The following SERTAD4 variants were observed in gnomAD, a reference collection of about 807,000 sequenced individuals.
SERTAD4 encodes SERTA domain-containing protein 4.
A neutral mutation model predicts 32.9 loss-of-function variants in SERTAD4; 18 were observed. That is an observed-to-expected ratio of 0.55 (90% confidence interval 0.38 to 0.81). SERTAD4 has a LOEUF of 0.81. Ranked by LOEUF, SERTAD4 falls within the 30% of genes least tolerant of loss-of-function variation. The probability of loss-of-function intolerance (pLI) is 0.00; values close to 1 mark genes in which losing one functional copy is unlikely to be tolerated. For missense variants in SERTAD4, 383 were observed against 426.0 expected (o/e 0.90, Z 0.89); for synonymous variants, 150 against 156.4 (o/e 0.96, Z 0.30).
chr1:210,239,916 G>C (rs1405294925), intron 3 of SERTAD4, among the ~76,000 whole-genome samples: 1 of 152,114 alleles, frequency 6.6e-6, no homozygotes, highest in Non-Finnish European at 1.5e-5. Context: ...CCACACTTTT[G>C]TGTGTGGGGA....
Position 210,239,501 on chromosome 1 carries a change from T to C in SERTAD4, c.184T>C (p.Tyr62His), listed in dbSNP as rs751024419. Residue 62 changes from tyrosine to histidine, a missense_variant, in exon 3 of 4, where the codon TAC becomes CAC. This residue lies in a region of SERTAD4 where 96 missense variants were observed against 76.6 expected (regional missense o/e 1.25). Coordinates refer to ENST00000367012, the MANE Select transcript of SERTAD4 (RefSeq NM_019605.5). ...CTGATTTATTACCACAGGATCACAT[T>C]ACAGGGGAATTTCAAATCCTATAAC... ...GAGPPLAGSH[Y>H]RGISNPITTS... 4 of 1,582,348 alleles carry C rather than the reference T, an allele frequency of 2.5e-6. No homozygotes were observed. Among genetic ancestry groups the C allele is most frequent in the Non-Finnish European group, 3.5e-6 (4 of 1,153,158 alleles).
chr1:210,242,701 A>C lies in SERTAD4; in HGVS notation c.*364A>C, dbSNP rs2084011100. On this transcript the variant is annotated 3_prime_UTR_variant, in exon 4 of 4. Transcript: ENST00000367012. This position sits in a 1 kb window ranked among gnomAD's most constrained non-coding sequence, Gnocchi z 4.0. ...GAAATTTCTACATGTTTGCCAGTTAATTAGGGAGTTATTTGGTAAGCAAAT... is the reference window on the plus strand; with the variant it reads ...GAAATTTCTACATGTTTGCCAGTTACTTAGGGAGTTATTTGGTAAGCAAAT... 1 of 1,021,184 alleles carries C rather than the reference A, an allele frequency of 9.8e-7. No homozygotes were observed. Among genetic ancestry groups the C allele is most frequent in the African/African-American group, 1.7e-5 (1 of 58,590 alleles). The allele number at this position is 1,021,184 out of a possible 1,614,324, so 63.3% of individuals were successfully genotyped here. A position where few individuals can be genotyped will look rare whatever the true frequency, so the allele number is the denominator to read the frequency against.
At position 210,243,702 on chromosome 1, in the gene SERTAD4, A is replaced by C. The variant is rs1294173640; in HGVS notation, c.*1365A>C. The C allele has an allele frequency of 6.6e-6, 1 of 151,988 alleles. No individual in the cohort carries two copies. The highest frequency in any genetic ancestry group is 2.4e-5 in the African/African-American group (1 of 41,350). The allele number at this position is 151,988 out of a possible 1,614,324, so 9.4% of individuals were successfully genotyped here. ...ACCATCCTTCCTTCCACTCCAGCCA[A>C]CTCTTCCTGCTAAACTGTATTCCAG... is the stretch of plus-strand genomic sequence containing the variant. On this transcript the variant is annotated 3_prime_UTR_variant, in exon 4 of 4. Coordinates refer to ENST00000367012, the MANE Select transcript of SERTAD4 (RefSeq NM_019605.5).
In SERTAD4 at chr1:210,238,081, G is replaced by T. The variant is rs142929495; in HGVS notation, c.121G>T (p.Gly41Trp). 6.2e-7 allele frequency: 1 copy of T among 1,613,654 alleles called. No homozygotes were observed. The highest frequency in any genetic ancestry group is 8.5e-7 in the Non-Finnish European group (1 of 1,179,926). Reference protein sequence around the residue: ...ADSYGGPSPPGPAQAPLQGDR... With the variant: ...ADSYGGPSPPWPAQAPLQGDR... ...CAGCTACGGAGGCCCAAGCCCCCCA[G>T]GGCCAGCACAAGCTCCTTTGCAGGG... The change falls in exon 2 of 4, where the codon GGG becomes TGG. Residue 41 changes from glycine (G) to tryptophan (W), a missense_variant. This residue lies in a region of SERTAD4 where 96 missense variants were observed against 76.6 expected (regional missense o/e 1.25). Coordinates refer to ENST00000367012, the MANE Select transcript of SERTAD4 (RefSeq NM_019605.5).
At chr1:210,234,131 C>T (rs1383399632) in intron 1 of SERTAD4, 4 of 247,218 alleles carry the variant, frequency 1.6e-5, no homozygotes, top group East Asian at 3.4e-4. Flanking sequence ...TCTCCTGCGG[C>T]CAGCGGCCGA....
rs187948085 is a variant in SERTAD4 at position 210,237,093 on chromosome 1, T to C, written c.-17-851T>C. Among the ~76,000 whole-genome samples, 300 of 152,320 alleles carry C rather than the reference T, an allele frequency of 2.0e-3. 1 individual carries two copies. Among genetic ancestry groups the C allele is most frequent in the Non-Finnish European group, 1.9e-3 (128 of 68,026 alleles). On this transcript the variant is annotated intron_variant, in intron 1 of 3. Transcript: ENST00000367012. The stretch of plus-strand genomic sequence containing the variant: ...CAGTGATGTGTTGCCTCTTGGAAAG[T>C]TCCTGCTCTGTGTCTGGGCTTTGCA...
At position 210,245,818 on chromosome 1, in the gene SERTAD4, C is replaced by G. The variant is rs2084043642; in HGVS notation, c.*3481C>G. On this transcript the variant is annotated 3_prime_UTR_variant, in exon 4 of 4. Coordinates refer to ENST00000367012, the MANE Select transcript of SERTAD4 (RefSeq NM_019605.5). ...GTATCAGGAGCAGAGCAGAGGACAA[C>G]TTGTAGAAGACATGACCATTAAGAG... The G allele has an allele frequency of 1.0e-6, 1 of 985,184 alleles. No individual in the cohort carries two copies. Among genetic ancestry groups the G allele is most frequent in the Admixed American group, 6.2e-5 (1 of 16,260 alleles). The allele number at this position is 985,184 out of a possible 1,614,324, so 61.0% of individuals were successfully genotyped here. A position where few individuals can be genotyped will look rare whatever the true frequency, so the allele number is the denominator to read the frequency against.
In SERTAD4 at chr1:210,243,062, C is replaced by G; in HGVS notation, c.*725C>G. On this transcript the variant is annotated 3_prime_UTR_variant, in exon 4 of 4. Transcript: ENST00000367012. ...GCCAATGTGAAAATTAAGGATAAAT[C>G]AGAGTTACAGCAGGGATTTAACAAA... 1.9e-6 allele frequency: 1 copy of G among 517,988 alleles called. No homozygotes were observed. Among genetic ancestry groups the G allele is most frequent in the Non-Finnish European group, 2.3e-6 (1 of 438,374 alleles). 32.1% of individuals were successfully genotyped at this position (517,988 alleles called of 1,614,324 possible).
chr1:210,233,816 G>T, intron 1 of SERTAD4: 2 of 469,884 alleles, frequency 4.3e-6, no homozygotes, highest in Non-Finnish European at 8.8e-6. Flanking sequence ...GCAACCGCGG[G>T]CTTCCAGCGG....
intron 3 of SERTAD4, among the ~76,000 whole-genome samples, chr1:210,241,138 C>T (rs1423242831): frequency 6.6e-6 from 1 of 152,124 alleles, no homozygotes; most frequent in African/African-American, 2.4e-5. Flanking sequence ...TTCCTTCTGC[C>T]GGCTTCTAAC....
chr1:210,241,144 C>G (rs892185246), intron 3 of SERTAD4, among the ~76,000 whole-genome samples: 4 of 152,160 alleles, frequency 2.6e-5, no homozygotes, highest in Non-Finnish European at 4.4e-5. Flanking sequence ...CTGCCGGCTT[C>G]TAACACTACC....
At chr1:210,238,166 CA>C (rs777670868) in intron 2 of SERTAD4, 31 bp downstream of exon 2, 92 of 1,377,532 alleles carry the variant, frequency 6.7e-5, no homozygotes, top group Middle Eastern at 5.3e-4. Context: ...CCATCCCCCC[CA>C]CCCCTCGCTG....
rs1415407991 is a variant in SERTAD4 at position 210,239,384 on chromosome 1, C to T, written c.176-109C>T. On this transcript the variant is annotated intron_variant, in intron 2 of 3. Transcript: ENST00000367012. ...TATTTTTAATCACCACATGTACAGA[C>T]AAATATGTAGCCAAGTTATCCTCTA... is the stretch of plus-strand genomic sequence containing the variant. The T allele has an allele frequency of 4.2e-6, 3 of 716,540 alleles. No individual in the cohort carries two copies. In the East Asian group the frequency reaches 7.9e-5, roughly 19 times the overall value. 44.4% of individuals were successfully genotyped at this position (716,540 alleles called of 1,614,324 possible). A position where few individuals can be genotyped will look rare whatever the true frequency, so the allele number is the denominator to read the frequency against.
At chr1:210,233,421 G>T (rs771173473) in intron 1 of SERTAD4, among the ~76,000 whole-genome samples, 1 of 152,220 alleles carries the variant, frequency 6.6e-6, no homozygotes, top group Non-Finnish European at 1.5e-5. Flanking sequence ...AGGGGAAGGG[G>T]TTAAGTAGGA....
At chr1:210,240,482 C>T (rs565349750) in intron 3 of SERTAD4, among the ~76,000 whole-genome samples, 1 of 152,306 alleles carries the variant, frequency 6.6e-6, no homozygotes, top group Non-Finnish European at 1.5e-5. Flanking sequence ...CTTTTCCCTG[C>T]ATGTGTAGTC....
chr1:210,238,152 G>A lies in SERTAD4; in HGVS notation c.175+17G>A. 1 of 1,531,882 alleles carries A rather than the reference G, an allele frequency of 6.5e-7. No individual in the cohort carries two copies. The highest frequency in any genetic ancestry group is 8.8e-7 in the Non-Finnish European group (1 of 1,130,092). The allele number at this position is 1,531,882 out of a possible 1,614,324, so 94.9% of individuals were successfully genotyped here. ...CACTGGCAGGTATTGCCCTTGACCT[G>A]CGCCCATCCCCCCCACCCCTCGCTG... On this transcript the variant is annotated intron_variant, in intron 2 of 3. Transcript: ENST00000367012.
rs2084042520 is a variant in SERTAD4 at position 210,245,729 on chromosome 1, A to T, written c.*3392A>T. On this transcript the variant is annotated 3_prime_UTR_variant, in exon 4 of 4. Transcript: ENST00000367012. ...AGCTCATAGTTAACTCCATCAAGACATGGCTACCCACCCCTCCAGTTATGA... is the reference window on the plus strand; with the variant it reads ...AGCTCATAGTTAACTCCATCAAGACTTGGCTACCCACCCCTCCAGTTATGA... 1.2e-6 allele frequency: 1 copy of T among 854,056 alleles called. No individual in the cohort carries two copies. The allele number at this position is 854,056 out of a possible 1,614,324, so 52.9% of individuals were successfully genotyped here.
Position 210,237,986 on chromosome 1 carries a change from G to T in SERTAD4, c.26G>T (p.Arg9Ile). The change falls in exon 2 of 4, where the codon AGA (arginine) becomes ATA (isoleucine). Residue 9 changes from arginine to isoleucine, a missense_variant. Arg to Ile is a moderately conservative substitution (Grantham distance 97). Transcript: ENST00000367012. The part of the protein sequence containing the change: MTLVLSMN[R>I]FCEPIVSEGA... ...ATGACTCTGGTTCTGTCCATGAATA[G>T]ATTCTGCGAGCCCATTGTCTCGGAA... is the stretch of plus-strand genomic sequence containing the variant. 1 of 1,611,938 alleles carries T rather than the reference G, an allele frequency of 6.2e-7. No homozygotes were observed. The highest frequency in any genetic ancestry group is 2.2e-5 in the East Asian group (1 of 44,744).
chr1:210,242,994 TA>T lies in SERTAD4; in HGVS notation c.*658del. 2.0e-6 allele frequency: 2 copies of T among 983,434 alleles called. No homozygotes were observed. Among genetic ancestry groups the T allele is most frequent in the East Asian group, 1.2e-4 (1 of 8,688 alleles). The allele number at this position is 983,434 out of a possible 1,614,324, so 60.9% of individuals were successfully genotyped here. On this transcript the variant is annotated 3_prime_UTR_variant, in exon 4 of 4. Transcript: ENST00000367012. The surrounding 1 kb of genome is among the most constrained non-coding windows in gnomAD (Gnocchi z 4.0). ...GGTGATGAGGCTTTTAGAGAGGTGT[TA>T]TACAGGGCGATTTTTGGTGCCTTAC...
Sources: allele counts gnomAD v4.1 joint callset (sites outside exome capture counted in the v4.1 genomes callset), GRCh38; gene constraint gnomAD v4.1.1; regional missense constraint gnomAD v4.1.1; non-coding constraint Gnocchi (gnomAD v3.1); transcripts MANE v1.5; gene names NCBI Gene and HGNC (gene_info 2026-07-23, HGNC 2026-07-21).